Variants in ATP2B2 observed in about 807,000 individuals in gnomAD.
ATP2B2 encodes plasma membrane calcium-transporting ATPase 2.
In ATP2B2, 15 loss-of-function variants were observed where a neutral mutation model predicts 120.0. That is an observed-to-expected ratio of 0.12 (90% CI 0.08 to 0.19). The LOEUF is 0.19. ATP2B2 is among the 10% of genes least tolerant of loss of function. The pLI, the probability that ATP2B2 is intolerant of heterozygous loss-of-function variation, is 1.00. For synonymous variants in ATP2B2, 694 were observed against 700.3 expected (o/e 0.99, Z 0.14); for missense variants, 1,045 against 1,719.8 (o/e 0.61, Z 6.94).
intron 1 of ATP2B2, among the ~76,000 whole-genome samples, chr3:10,469,610 G>A (rs1363298043): frequency 6.6e-6 from 1 of 152,238 alleles, no homozygotes; most frequent in East Asian, 1.9e-4. Context: ...CTTCCAGGAA[G>A]AGGGTGATGG....
intron 2 of ATP2B2, among the ~76,000 whole-genome samples, chr3:10,571,962 G>A (rs913666379): frequency 6.6e-6 from 1 of 152,174 alleles, no homozygotes; most frequent in Non-Finnish European, 1.5e-5. Flanking sequence ...CCCATTAAGG[G>A]GGTCAACTTC....
At chr3:10,463,738 AG>A (rs1206693145) in intron 1 of ATP2B2, among the ~76,000 whole-genome samples, 1 of 152,218 alleles carries the variant, frequency 6.6e-6, no homozygotes, top group Non-Finnish European at 1.5e-5. Flanking sequence ...TACTCTGGCC[AG>A]GCCGGTGTCT....
At chr3:10,457,371 TG>T (rs374155019) in intron 1 of ATP2B2, among the ~76,000 whole-genome samples, 2 of 152,218 alleles carry the variant, frequency 1.3e-5, no homozygotes, top group African/African-American at 4.8e-5. Flanking sequence ...GGACAGGGTC[TG>T]GGGGCACACC....
In ATP2B2 at chr3:10,340,714, G is replaced by T. The variant is rs2060250172; in HGVS notation, c.2918-10C>A. ...TGGAACATCTTCTCGCCTGCCAAGTGAGAGAGTGGGGCTGGGCTGAAGGCA... is the reference window on the plus strand; with the variant it reads ...TGGAACATCTTCTCGCCTGCCAAGTTAGAGAGTGGGGCTGGGCTGAAGGCA... On this transcript the variant is annotated splice_polypyrimidine_tract_variant and intron_variant, in intron 19 of 22. Coordinates refer to ENST00000360273, the MANE Select transcript of ATP2B2 (RefSeq NM_001001331.4). The surrounding 1 kb of genome is among the most constrained non-coding windows in gnomAD (Gnocchi z 5.0). 6.2e-7 allele frequency: 1 copy of T among 1,613,810 alleles called. No individual in the cohort carries two copies. The highest frequency in any genetic ancestry group is 8.5e-7 in the Non-Finnish European group (1 of 1,179,756).
chr3:10,393,040 G>C (rs2061908142), intron 5 of ATP2B2, among the ~76,000 whole-genome samples: 1 of 152,220 alleles, frequency 6.6e-6, no homozygotes, highest in Admixed American at 6.5e-5. Flanking sequence ...CAGACATGGT[G>C]GGGTGTCAAC....
intron 1 of ATP2B2, among the ~76,000 whole-genome samples, chr3:10,634,575 A>T (rs1236615123): frequency 6.6e-6 from 1 of 152,210 alleles, no homozygotes; most frequent in African/African-American, 2.4e-5. Context: ...GAGAAAACAC[A>T]ATTTTGGGGT....
At chr3:10,589,047 C>T (rs1417818621) in intron 2 of ATP2B2, among the ~76,000 whole-genome samples, 1 of 152,168 alleles carries the variant, frequency 6.6e-6, no homozygotes, top group Admixed American at 6.5e-5. Flanking sequence ...AAAGTTCACA[C>T]ACCTGGGTAG....
At chr3:10,541,970 G>A (rs1241928506) in intron 2 of ATP2B2, among the ~76,000 whole-genome samples, 1 of 152,072 alleles carries the variant, frequency 6.6e-6, no homozygotes, top group African/African-American at 2.4e-5. Context: ...ATGTCTTCCT[G>A]ATTGACCCTT....
chr3:10,626,490 T>A (rs2069702201), intron 1 of ATP2B2: 1 of 151,908 alleles, frequency 6.6e-6, no homozygotes, highest in South Asian at 2.1e-4. Flanking sequence ...GAGAACCTGG[T>A]GAAAGGATAG....
chr3:10,430,381 A>G (rs562810292), intron 2 of ATP2B2, among the ~76,000 whole-genome samples: 22 of 152,348 alleles, frequency 1.4e-4, no homozygotes, highest in African/African-American at 4.8e-4. Context: ...GGTGGTTCAC[A>G]AGAGGAGGTG....
chr3:10,408,842 G>A (rs1441209325), intron 3 of ATP2B2, among the ~76,000 whole-genome samples: 2 of 152,172 alleles, frequency 1.3e-5, no homozygotes, highest in African/African-American at 2.4e-5. Flanking sequence ...GGTTGCATGA[G>A]GCCATGTATC....
chr3:10,402,027 C>T lies in ATP2B2; in HGVS notation c.655+64G>A. 6.2e-7 allele frequency: 1 copy of T among 1,604,696 alleles called. No homozygotes were observed. Among genetic ancestry groups the T allele is most frequent in the Non-Finnish European group, 8.5e-7 (1 of 1,179,572 alleles). On this transcript the variant is annotated intron_variant, in intron 4 of 22. Transcript: ENST00000360273. The surrounding 1 kb of genome is among the most constrained non-coding windows in gnomAD (Gnocchi z 4.9). Reference sequence around the variant, plus strand: ...CTTGAGCCAATCTCTTTGCATCAGCCTGGCCTGTCCCACCTCTGCCGGAAT... The same window carrying T: ...CTTGAGCCAATCTCTTTGCATCAGCTTGGCCTGTCCCACCTCTGCCGGAAT...
intron 2 of ATP2B2, among the ~76,000 whole-genome samples, chr3:10,602,017 G>A (rs1302880749): frequency 6.6e-6 from 1 of 152,206 alleles, no homozygotes; most frequent in East Asian, 1.9e-4. Flanking sequence ...AGGCCCAGTG[G>A]TGAAGAAGGC....
At chr3:10,553,603 T>C (rs2067714265) in intron 2 of ATP2B2, among the ~76,000 whole-genome samples, 1 of 152,142 alleles carries the variant, frequency 6.6e-6, no homozygotes, top group African/African-American at 2.4e-5. Context: ...GATCCCCATG[T>C]TGTGGGGGAA....
chr3:10,540,017 T>A (rs1013110685), intron 2 of ATP2B2, among the ~76,000 whole-genome samples: 15 of 152,108 alleles, frequency 9.9e-5, no homozygotes, highest in African/African-American at 3.6e-4. Flanking sequence ...TAAACAAATT[T>A]ACAAGAAAAT....
intron 1 of ATP2B2, among the ~76,000 whole-genome samples, chr3:10,455,958 T>C (rs1221094723): frequency 6.6e-6 from 1 of 152,244 alleles, no homozygotes; most frequent in Non-Finnish European, 1.5e-5. Context: ...CTGACAATAT[T>C]GGATTTATGC....
chr3:10,464,930 C>A (rs1328067818), intron 1 of ATP2B2, among the ~76,000 whole-genome samples: 4 of 152,246 alleles, frequency 2.6e-5, no homozygotes, highest in African/African-American at 9.6e-5. Flanking sequence ...TCAGAGGACT[C>A]ACCTTCCTAA....
At chr3:10,399,291 T>C (rs1003682908) in intron 5 of ATP2B2, among the ~76,000 whole-genome samples, 1 of 152,198 alleles carries the variant, frequency 6.6e-6, no homozygotes, top group East Asian at 1.9e-4. Flanking sequence ...AAGAGGTCAT[T>C]TGGGGCATTC....
chr3:10,378,349 G>A lies in ATP2B2; in HGVS notation c.1104C>T (p.Gly368=), dbSNP rs147871544. Residue 368 remains glycine, a synonymous_variant, in exon 10 of 23, where the codon GGC becomes GGT. Transcript: ENST00000360273. ...TGGCCTTCTTCCTGTCGTCAGCGTC[G>A]CCGCCCTCGGCACTCTTGAGGGGCT... ...EMQPLKSAEG[G]DADDRKKASM... is the part of the protein sequence containing the mutation. The A allele has an allele frequency of 2.1e-5, 33 of 1,606,724 alleles. No individual in the cohort carries two copies. The highest frequency in any genetic ancestry group is 1.9e-4 in the South Asian group (17 of 91,084).
Sources: allele counts gnomAD v4.1 joint callset (sites outside exome capture counted in the v4.1 genomes callset), GRCh38; gene constraint gnomAD v4.1.1; non-coding constraint Gnocchi (gnomAD v3.1); transcripts MANE v1.5; gene names NCBI Gene and HGNC (gene_info 2026-07-23, HGNC 2026-07-21).